SMIM17: variants seen among roughly 807,000 people sequenced by gnomAD.
SMIM17 encodes small integral membrane protein 17.
SMIM17 carries 10 observed loss-of-function variants against 12.2 expected under a neutral mutation model. That is an observed-to-expected ratio of 0.82 (90% confidence interval 0.50 to 1.39). SMIM17 has a LOEUF of 1.39. Among genes scored for constraint, SMIM17 ranks in the 40% most tolerant of loss-of-function variants. The pLI is 0.00. For synonymous variants in SMIM17, 50 were observed against 44.1 expected, an observed-to-expected ratio of 1.13 and a Z score of -0.53; for missense variants, 136 against 118.2, an observed-to-expected ratio of 1.15 and a Z score of -0.70.
chr19:56,654,707 A>G (rs1457548755), intron 3 of SMIM17, among the ~76,000 whole-genome samples: 1 of 152,168 alleles, frequency 6.6e-6, no homozygotes, highest in Admixed American at 6.5e-5. Flanking sequence ...GGACATGTGA[A>G]GTTTAAGATG....
In SMIM17 at chr19:56,655,145, G is replaced by C; in HGVS notation, c.289G>C (p.Val97Leu). The stretch of plus-strand genomic sequence containing the variant: ...AAAAGCTCCACAACAAACAACCATA[G>C]TCTTGGTAGTGTGCGTGCTTTTTTT... ...WSKAPQQTTIVLVVCVLFLFL... is the reference protein window; with the variant it reads ...WSKAPQQTTILLVVCVLFLFL... The change falls in exon 4 of 4, where the codon GTC (valine) becomes CTC (leucine). Residue 97 changes from valine to leucine, a missense_variant. Physicochemically the swap from Val to Leu is conservative, Grantham distance 32 (BLOSUM62 1). Transcript: ENST00000598409. The C allele has an allele frequency of 1.4e-6, 1 of 702,654 alleles. No homozygotes were observed. 43.5% of individuals were successfully genotyped at this position (702,654 alleles called of 1,614,324 possible). A position where few individuals can be genotyped will look rare whatever the true frequency, so the allele number is the denominator to read the frequency against.
chr19:56,654,119 C>T (rs1408329806), intron 3 of SMIM17, among the ~76,000 whole-genome samples: 3 of 152,226 alleles, frequency 2.0e-5, no homozygotes. Flanking sequence ...CTGTTCCAGG[C>T]ACTGGGAATA....
chr19:56,655,407 A>G lies in SMIM17; in HGVS notation c.*194A>G. ...CATACTTTATTTCCATGAAATGAAG[A>G]CATCATTGATTGTAAAACATTATTT... On this transcript the variant is annotated 3_prime_UTR_variant, in exon 4 of 4. Coordinates refer to ENST00000598409, the MANE Select transcript of SMIM17 (RefSeq NM_001193628.2). The G allele has an allele frequency of 8.4e-6, 4 of 476,614 alleles. 1 individual carries two copies. The South Asian group carries it at 1.9e-4, about 23-fold the overall frequency. The allele number at this position is 476,614 out of a possible 1,614,324, so 29.5% of individuals were successfully genotyped here.
At chr19:56,647,909 C>T (rs1462926326) in intron 3 of SMIM17, among the ~76,000 whole-genome samples, 2 of 152,046 alleles carry the variant, frequency 1.3e-5, no homozygotes, top group African/African-American at 4.8e-5. Flanking sequence ...TATTCATCAA[C>T]CCTCCCTTCC....
intron 3 of SMIM17, among the ~76,000 whole-genome samples, chr19:56,654,158 T>G (rs1260893946): frequency 6.6e-6 from 1 of 152,212 alleles, no homozygotes; most frequent in Non-Finnish European, 1.5e-5. Context: ...AGGTTTGCCC[T>G]CTTGGTGCTT....
intron 2 of SMIM17, among the ~76,000 whole-genome samples, 175 bp from the exon 3 acceptor site, chr19:56,647,383 T>TTGTG (rs1045407324): frequency 7.6e-6 from 1 of 131,070 alleles, no homozygotes; most frequent in African/African-American, 3.1e-5. Context: ...GGTTGTGTGT[T>TTGTG]TGTGTGTGTG....
intron 2 of SMIM17, 112 bp from the exon 3 acceptor site, chr19:56,647,445 GA>G: frequency 1.6e-6 from 1 of 634,408 alleles, no homozygotes; most frequent in Non-Finnish European, 2.6e-6. Flanking sequence ...GAGAGAGAGA[GA>G]GAGAGGAGGC....
chr19:56,649,984 C>T (rs1228403000), intron 3 of SMIM17, among the ~76,000 whole-genome samples: 3 of 151,814 alleles, frequency 2.0e-5, no homozygotes, highest in South Asian at 2.1e-4. Context: ...CGAAGGTGTT[C>T]GGGGACTTAC....
chr19:56,649,861 C>T (rs1010221829), intron 3 of SMIM17, among the ~76,000 whole-genome samples: 21 of 152,140 alleles, frequency 1.4e-4, no homozygotes, highest in Middle Eastern at 3.4e-3. Flanking sequence ...GAGCCATAGG[C>T]GAGTTCTGGA....
At chr19:56,654,673 G>A (rs73617308) in intron 3 of SMIM17, among the ~76,000 whole-genome samples, 4,340 of 151,970 alleles carry the variant, frequency 0.029, 188 homozygotes, top group African/African-American at 0.099. Context: ...TTTTTTTGTG[G>A]GGGACATTAC....
In SMIM17 at chr19:56,646,053, T is replaced by C. The variant is rs192003964; in HGVS notation, c.169+217T>C. Among the ~76,000 whole-genome samples, 11 of 152,326 alleles carry C rather than the reference T, an allele frequency of 7.2e-5. No homozygotes were observed. The East Asian group carries it at 2.1e-3, about 29-fold the overall frequency. On this transcript the variant is annotated intron_variant, in intron 2 of 3. Transcript: ENST00000598409. ...GCTCATGATTCTGTGGGTCAGAAGT[T>C]TGACCTGGCTTCAGGGGACACTTTT...
intron 3 of SMIM17, among the ~76,000 whole-genome samples, chr19:56,648,067 AT>A (rs2045078854): frequency 1.4e-5 from 2 of 143,376 alleles, no homozygotes; most frequent in Non-Finnish European, 3.1e-5. Context: ...CCATCCATCC[AT>A]CCATCCATCC....
intron 1 of SMIM17, among the ~76,000 whole-genome samples, chr19:56,643,557 C>A (rs1029778235): frequency 1.3e-5 from 2 of 152,138 alleles, no homozygotes; most frequent in Non-Finnish European, 2.9e-5. Flanking sequence ...GCGCTCGTCT[C>A]GCTGGGGCTT....
chr19:56,650,461 G>A (rs1236951352), intron 3 of SMIM17, among the ~76,000 whole-genome samples: 2 of 152,164 alleles, frequency 1.3e-5, no homozygotes, highest in Admixed American at 6.5e-5. Flanking sequence ...CATGAGCCAC[G>A]ACGCCCAGCC....
chr19:56,652,567 G>A (rs1310875702), intron 3 of SMIM17, among the ~76,000 whole-genome samples: 1 of 151,860 alleles, frequency 6.6e-6, no homozygotes, highest in South Asian at 2.1e-4. Context: ...GCAGAGAATT[G>A]CTTGAACCCA....
At position 56,656,467 on chromosome 19, in the gene SMIM17, TC is replaced by T. The variant is rs2045153170; in HGVS notation, c.*1256del. ...GAACCAACATTAGGATTCATTTATA[TC>T]CATTATTTCTTTTATTTGTAATTTG... On this transcript the variant is annotated 3_prime_UTR_variant, in exon 4 of 4. Transcript: ENST00000598409. Among the ~76,000 whole-genome samples the T allele has an allele frequency of 1.3e-5, 2 of 152,194 alleles. No homozygotes were observed. The highest frequency in any genetic ancestry group is 4.8e-5 in the African/African-American group (2 of 41,458).
rs796233191 is a variant in SMIM17 at position 56,643,335 on chromosome 19, G to C, written c.-101+125G>C. 1.2e-4 allele frequency: 18 copies of C among 153,092 alleles called. 1 individual carries two copies. Among genetic ancestry groups the C allele is most frequent in the African/African-American group, 3.8e-4 (16 of 41,600 alleles). 9.5% of individuals were successfully genotyped at this position (153,092 alleles called of 1,614,324 possible). ...GCAGAGGGTGTGTGTGCCTGGGCGA[G>C]GGTGAGGGGCAGAACCGCTCCAGGG... On this transcript the variant is annotated intron_variant, in intron 1 of 3. Transcript: ENST00000598409.
chr19:56,654,888 G>A (rs1368517022), intron 3 of SMIM17, among the ~76,000 whole-genome samples: 2 of 152,156 alleles, frequency 1.3e-5, no homozygotes, highest in African/African-American at 4.8e-5. Flanking sequence ...TTTTGAAATT[G>A]TCATCCCATT....
chr19:56,643,600 G>C (rs973036041), intron 1 of SMIM17, among the ~76,000 whole-genome samples: 2 of 152,154 alleles, frequency 1.3e-5, no homozygotes, highest in African/African-American at 4.8e-5. Context: ...GGGGTGTTCA[G>C]CGCACCTGCC....
Sources: gnomAD v4.1 joint callset for allele counts (sites outside exome capture counted in the v4.1 genomes callset) on GRCh38, gnomAD v4.1.1 for gene constraint, MANE v1.5 for transcripts, NCBI Gene and HGNC (gene_info 2026-07-23, HGNC 2026-07-21) for gene names.